PCDHA2: variants seen among roughly 807,000 people sequenced by gnomAD.
The protein encoded by PCDHA2 is protocadherin alpha-2.
A neutral mutation model predicts 66.0 loss-of-function variants in PCDHA2; 58 were observed. That is an observed-to-expected ratio of 0.88 (90% confidence interval 0.71 to 1.09). The LOEUF is 1.09. Among genes scored for constraint, PCDHA2 ranks in the 50% least tolerant of loss-of-function variants. PCDHA2 has a pLI of 0.00. For missense variants in PCDHA2, 1,267 were observed against 1,242.3 expected (o/e 1.02, Z -0.30); for synonymous variants, 634 against 554.0 (o/e 1.14, Z -2.03).
chr5:140,904,235 T>A (rs147535141), intron 1 of PCDHA2, among the ~76,000 whole-genome samples: 1,856 of 152,070 alleles, frequency 0.012, 44 homozygotes, highest in African/African-American at 0.042. Flanking sequence ...TACTTATGCC[T>A]TTGCATCCTC....
intron 3 of PCDHA2, among the ~76,000 whole-genome samples, chr5:140,984,056 G>A (rs569184437): frequency 6.6e-6 from 1 of 152,318 alleles, no homozygotes; most frequent in African/African-American, 2.4e-5. Context: ...TGACAAATCT[G>A]TACCCTCAGT....
chr5:140,847,275 C>T (rs1232934318), intron 1 of PCDHA2, among the ~76,000 whole-genome samples: 1 of 149,636 alleles, frequency 6.7e-6, no homozygotes, highest in Non-Finnish European at 1.5e-5. Flanking sequence ...GAAGGTTGAA[C>T]GGGAAGACAA....
At position 140,801,226 on chromosome 5, in the gene PCDHA2, G is replaced by A. The variant is rs143390889; in HGVS notation, c.2388+3874G>A. On this transcript the variant is annotated intron_variant, in intron 1 of 3. Coordinates refer to ENST00000526136, the MANE Select transcript of PCDHA2 (RefSeq NM_018905.3). ...TTGTTCTCCTGGCGAGAAGATCCTG[G>A]AGCCCAGTGCCTGCTGCTTTCTCTT... The A allele has an allele frequency of 2.5e-6, 4 of 1,610,810 alleles. No individual in the cohort carries two copies. In the African/African-American group the frequency reaches 5.3e-5, roughly 22 times the overall value.
chr5:140,879,019 T>C (rs1554170641), intron 1 of PCDHA2, among the ~76,000 whole-genome samples: 2 of 152,216 alleles, frequency 1.3e-5, no homozygotes, highest in African/African-American at 4.8e-5. Flanking sequence ...AGATAATGTT[T>C]TATTGAAGAG....
intron 3 of PCDHA2, among the ~76,000 whole-genome samples, chr5:140,989,714 A>T (rs2097355942): frequency 6.6e-6 from 1 of 152,202 alleles, no homozygotes; most frequent in Non-Finnish European, 1.5e-5. Context: ...AGAGGCAGTC[A>T]GCTTTGCAGT....
intron 1 of PCDHA2, among the ~76,000 whole-genome samples, chr5:140,917,553 T>C (rs1220066857): frequency 6.6e-6 from 1 of 152,258 alleles, no homozygotes; most frequent in African/African-American, 2.4e-5. Context: ...TACATTTAAC[T>C]CTTTAATCCA....
intron 1 of PCDHA2, among the ~76,000 whole-genome samples, chr5:140,855,264 T>C (rs560224323): frequency 1.3e-5 from 2 of 149,870 alleles, no homozygotes; most frequent in South Asian, 4.2e-4. Context: ...TATATTATAA[T>C]TCACTCAACC....
At chr5:140,822,105 C>A (rs2150113718) in intron 1 of PCDHA2, 68 of 1,614,128 alleles carry the variant, frequency 4.2e-5, no homozygotes, top group Non-Finnish European at 5.6e-5. Context: ...TGATCGTGGA[C>A]AGGCCGCTGC....
chr5:140,899,995 A>G (rs1449060467), intron 1 of PCDHA2, among the ~76,000 whole-genome samples: 1 of 151,872 alleles, frequency 6.6e-6, no homozygotes, highest in Non-Finnish European at 1.5e-5. Context: ...TTTTTTGTAG[A>G]GATGAGGTCT....
At chr5:140,945,371 A>G (rs926668947) in intron 1 of PCDHA2, among the ~76,000 whole-genome samples, 2 of 152,104 alleles carry the variant, frequency 1.3e-5, no homozygotes, top group African/African-American at 4.8e-5. Context: ...AAATGTCCAT[A>G]TTACCCAAAG....
At chr5:140,891,838 A>G (rs1479578181) in intron 1 of PCDHA2, among the ~76,000 whole-genome samples, 1 of 152,164 alleles carries the variant, frequency 6.6e-6, no homozygotes, top group African/African-American at 2.4e-5. Context: ...AAAGGACTTG[A>G]TGGAAGGAGC....
chr5:140,797,252 AC>A lies in PCDHA2; in HGVS notation c.2295del (p.Lys766ArgfsTer29), dbSNP rs558931090. 22 of 1,613,146 alleles carry A rather than the reference AC, an allele frequency of 1.4e-5. No individual in the cohort carries two copies. The highest frequency in any genetic ancestry group is 1.6e-4 in the Middle Eastern group (1 of 6,062). ...QRRQRVCSGE[D>X]PPKTDLMAFS... ...CGGCAGAGGGTGTGCTCTGGGGAGGACCCCCCCAAGACGGACCTCATGGCCT... is the reference window on the plus strand; with the variant it reads ...CGGCAGAGGGTGTGCTCTGGGGAGGACCCCCCAAGACGGACCTCATGGCCT... On this transcript the variant is annotated frameshift_variant, in exon 1 of 4. Transcript: ENST00000526136. LOFTEE classifies it high-confidence loss of function.
At chr5:140,894,989 C>T (rs1446674371) in intron 1 of PCDHA2, among the ~76,000 whole-genome samples, 2 of 152,110 alleles carry the variant, frequency 1.3e-5, no homozygotes, top group Non-Finnish European at 2.9e-5. Context: ...TTGTGACATC[C>T]TTTACCCTTT....
At chr5:140,929,122 G>A (rs782041922) in intron 1 of PCDHA2, 24 of 1,614,096 alleles carry the variant, frequency 1.5e-5, no homozygotes, top group Non-Finnish European at 1.8e-5. Flanking sequence ...CACCATAGAT[G>A]TCACTACAGT....
chr5:140,883,930 C>T, intron 1 of PCDHA2: 1 of 1,613,066 alleles, frequency 6.2e-7, no homozygotes, highest in East Asian at 2.2e-5. Context: ...TGCAGGTGTT[C>T]GTGCTGGACG....
In PCDHA2 at chr5:140,808,939, G is replaced by C. The variant is rs1168359860; in HGVS notation, c.2388+11587G>C. The stretch of plus-strand genomic sequence containing the variant: ...CAGTGAGCGAGCTGGTGCCATGGTC[G>C]GTGGGTGTGGGCCACGTGGTGGCAA... On this transcript the variant is annotated intron_variant, in intron 1 of 3. Coordinates refer to ENST00000526136, the MANE Select transcript of PCDHA2 (RefSeq NM_018905.3). 8 of 1,613,726 alleles carry C rather than the reference G, an allele frequency of 5.0e-6. 1 individual carries two copies. In the South Asian group the frequency reaches 5.5e-5, roughly 11 times the overall value.
chr5:140,802,127 C>T (rs868926378), intron 1 of PCDHA2: 1 of 1,614,136 alleles, frequency 6.2e-7, no homozygotes, highest in Non-Finnish European at 8.5e-7. Context: ...ACATAGATTT[C>T]GAGGAAAGTA....
chr5:140,937,195 G>A lies in PCDHA2; in HGVS notation c.2389-41754G>A, dbSNP rs371063672. On this transcript the variant is annotated intron_variant, in intron 1 of 3. Coordinates refer to ENST00000526136, the MANE Select transcript of PCDHA2 (RefSeq NM_018905.3). ...TGGGACTACAGGCGCCCGCCACCAT[G>A]CCCGGCTAATTTTTTGTATTTTTTG... Among the ~76,000 whole-genome samples the A allele has an allele frequency of 1.5e-3, 231 of 151,994 alleles. 5 individuals are homozygous for A. The South Asian group carries it at 0.033, about 22-fold the overall frequency.
intron 1 of PCDHA2, among the ~76,000 whole-genome samples, chr5:140,974,864 C>A (rs949061887): frequency 3.9e-5 from 6 of 152,124 alleles, no homozygotes; most frequent in Non-Finnish European, 8.8e-5. Flanking sequence ...TGCCTTAATG[C>A]GGAACAGTCT....
Sources: allele counts gnomAD v4.1 joint callset (sites outside exome capture counted in the v4.1 genomes callset), GRCh38; gene constraint gnomAD v4.1.1; transcripts MANE v1.5; gene names NCBI Gene and HGNC (gene_info 2026-07-23, HGNC 2026-07-21).